Variants in DDX3X observed in about 807,000 individuals in gnomAD.
DDX3X encodes the protein ATP-dependent RNA helicase DDX3X.
A neutral mutation model predicts 52.7 loss-of-function variants in DDX3X; 4 were observed. That is an observed-to-expected ratio of 0.08 (90% CI 0.04 to 0.17). The LOEUF is 0.17. Among genes scored for constraint, DDX3X ranks in the 10% least tolerant of loss-of-function variants. The probability of loss-of-function intolerance (pLI) is 1.00; values close to 1 mark genes in which losing one functional copy is unlikely to be tolerated. For missense variants in DDX3X, 222 were observed against 548.6 expected (o/e 0.40, Z 5.95); for synonymous variants, 192 against 178.1 (o/e 1.08, Z -0.62).
downstream of DDX3X, among the ~76,000 whole-genome samples, chrX:41,353,083 C>T (rs555713767): frequency 3.6e-5 from 4 of 111,338 alleles, no homozygotes; most frequent in South Asian, 1.5e-3. Flanking sequence ...CTATGCAAAT[C>T]CTGTGCTTTC....
At chrX:41,364,454 C>T (rs1045450897) in exon 6 of DDX3X, 37 of 288,797 alleles carry the variant, frequency 1.3e-4, no homozygotes, top group Non-Finnish European at 2.0e-4. Flanking sequence ...AAAATAAACA[C>T]CTATGCACCT....
intron 12 of DDX3X, chrX:41,345,782 A>G (rs2063915478): frequency 2.9e-6 from 1 of 345,911 alleles, no homozygotes; most frequent in African/African-American, 2.7e-5. Flanking sequence ...TGATAGGCAT[A>G]GTACACTACA....
rs772081578 is a variant in DDX3X at position 41,341,543 on chromosome X, A to G, written c.211A>G (p.Ser71Gly). 2 of 1,205,072 alleles carry G rather than the reference A, an allele frequency of 1.7e-6. No homozygotes were observed. Among genetic ancestry groups the G allele is most frequent in the Non-Finnish European group, 2.2e-6 (2 of 890,559 alleles). Residue 71 changes from serine (S) to glycine (G), a missense_variant, in exon 4 of 17, where the codon AGT becomes GGT. Ser to Gly is a moderately conservative substitution (Grantham distance 56). This residue lies in a region of DDX3X where 93 missense variants were observed against 123.7 expected (regional missense o/e 0.75). Transcript: ENST00000644876. ...TAGCAAAGATAAGGATGCGTATAGC[A>G]GTTTTGGATCTCGTAGTGATTCAAG... ...SSSKDKDAYS[S>G]FGSRSDSRGK...
chrX:41,357,838 T>C (rs973428452), intron 5 of DDX3X: 5 of 294,962 alleles, frequency 1.7e-5, no homozygotes, highest in Non-Finnish European at 2.9e-5. Context: ...CCTAGGATCA[T>C]GCTCCTCTGT....
intron 1 of DDX3X, chrX:41,334,876 CGGCGGGTCTCG>C: frequency 7.6e-6 from 4 of 526,489 alleles, no homozygotes; most frequent in Non-Finnish European, 9.9e-6. Flanking sequence ...CTCCGGGAGA[CGGCGGGTCTCG>C]GGCGGGCGAA....
intron 5 of DDX3X, among the ~76,000 whole-genome samples, chrX:41,361,234 C>T (rs1332229630): frequency 9.1e-6 from 1 of 109,557 alleles, no homozygotes; most frequent in Non-Finnish European, 1.9e-5. Context: ...CACAGTCGGC[C>T]GGGCATGGTG....
At chrX:41,341,349 A>G in intron 3 of DDX3X, 135 bp from the exon 4 acceptor site, 1 of 492,765 alleles carries the variant, frequency 2.0e-6, no homozygotes. Flanking sequence ...AACCAGCTTT[A>G]AATCTTGGTT....
chrX:41,341,405 T>C, intron 3 of DDX3X, 79 bp from the exon 4 acceptor site: 1 of 888,310 alleles, frequency 1.1e-6, no homozygotes, highest in East Asian at 3.5e-5. Context: ...GCTTTCAAAT[T>C]CAGAAAGATT....
intron 5 of DDX3X, among the ~76,000 whole-genome samples, chrX:41,361,099 G>GT (rs750531694): frequency 0.015 from 1,525 of 100,518 alleles, 10 homozygotes; most frequent in East Asian, 0.03. Context: ...TTGCCGCTCT[G>GT]TTTTTTTTTT....
At chrX:41,345,921 G>T (rs1254089018) in intron 12 of DDX3X, 1 of 282,716 alleles carries the variant, frequency 3.5e-6, no homozygotes, top group Admixed American at 5.9e-5. Flanking sequence ...ACCCATTTGG[G>T]CTGGGTGCAG....
chrX:41,347,611 T>C (rs1415394427), intron 16 of DDX3X, 29 bp from the exon 17 acceptor site: 1 of 1,143,731 alleles, frequency 8.7e-7, no homozygotes. Context: ...ACTTCATTAA[T>C]TTCTCTCTCT....
At chrX:41,351,945 G>T (rs150930905), downstream of DDX3X, among the ~76,000 whole-genome samples, 782 of 111,466 alleles carry the variant, frequency 7.0e-3, 3 homozygotes, top group Non-Finnish European at 0.013. Context: ...GGACCAATAC[G>T]ATTTAAGAGC....
intron 5 of DDX3X, among the ~76,000 whole-genome samples, chrX:41,361,766 C>T (rs750982169): frequency 9.0e-5 from 10 of 111,423 alleles, no homozygotes; most frequent in East Asian, 2.8e-4. Flanking sequence ...CCACTGTGCC[C>T]GGCCTACTTA....
chrX:41,344,938 G>C, intron 10 of DDX3X, among the ~76,000 whole-genome samples: 1 of 111,763 alleles, frequency 8.9e-6, no homozygotes, highest in African/African-American at 3.3e-5. Context: ...ACAATGATCA[G>C]CTCGTGGGAC....
intron 1 of DDX3X, 191 bp downstream of exon 1, chrX:41,334,488 C>T: frequency 9.1e-7 from 1 of 1,097,334 alleles, no homozygotes; most frequent in East Asian, 3.3e-5. Flanking sequence ...GGCCCGGTCT[C>T]GGCCCGCTGT....
At chrX:41,340,719 A>G in intron 3 of DDX3X, 1 of 295,146 alleles carries the variant, frequency 3.4e-6, no homozygotes, top group Non-Finnish European at 5.9e-6. Flanking sequence ...TGTACTTTAT[A>G]CTATTGAAAC....
At chrX:41,337,376 C>G in intron 1 of DDX3X, 32 bp from the exon 2 acceptor site, 2 of 1,174,400 alleles carry the variant, frequency 1.7e-6, no homozygotes, top group Middle Eastern at 2.4e-4. Flanking sequence ...TATTTGAGCA[C>G]ATGGGGTGCT....
chrX:41,342,721 C>A lies in DDX3X; in HGVS notation c.444-16C>A. ...AGCTAGTATAACAAATGAACTTATC[C>A]ATTTTTTGATTTGAGGGAACTCTTT... On this transcript the variant is annotated splice_polypyrimidine_tract_variant and intron_variant, in intron 5 of 16. Coordinates refer to ENST00000644876, the MANE Select transcript of DDX3X (RefSeq NM_001356.5). 2 of 1,208,576 alleles carry A rather than the reference C, an allele frequency of 1.7e-6. No individual in the cohort carries two copies. Among genetic ancestry groups the A allele is most frequent in the Non-Finnish European group, 2.2e-6 (2 of 892,783 alleles).
chrX:41,337,284 G>A (rs1278750973), intron 1 of DDX3X, 124 bp from the exon 2 acceptor site: 8 of 561,200 alleles, frequency 1.4e-5, no homozygotes, highest in East Asian at 6.6e-5. Context: ...GTTGGTATTA[G>A]CCCTGTGAGG....
Sources: allele counts gnomAD v4.1 joint callset (sites outside exome capture counted in the v4.1 genomes callset), GRCh38; gene constraint gnomAD v4.1.1; regional missense constraint gnomAD v4.1.1; transcripts MANE v1.5; gene names NCBI Gene and HGNC (gene_info 2026-07-23, HGNC 2026-07-21).